The following ITPR1 variants were observed in gnomAD, a reference collection of about 807,000 sequenced individuals.
ITPR1 encodes the protein inositol 1,4,5-trisphosphate receptor type 1.
Under a neutral mutation model 318.4 loss-of-function variants are expected in ITPR1, and 96 were observed. The observed-to-expected ratio is 0.30, with a 90% CI of 0.26 to 0.36. The LOEUF is 0.36. ITPR1 is among the 10% of genes least tolerant of loss of function. The probability of loss-of-function intolerance (pLI) is 1.00; values close to 1 mark genes in which losing one functional copy is unlikely to be tolerated. For missense variants in ITPR1, 2,440 were observed against 3,460.2 expected (o/e 0.71, Z 7.40); for synonymous variants, 1,312 against 1,289.9 (o/e 1.02, Z -0.37).
At chr3:4,831,131 T>TCTCA (rs879032970) in intron 60 of ITPR1, 17 of 349,476 alleles carry the variant, frequency 4.9e-5, no homozygotes, top group South Asian at 2.0e-4. Context: ...TCTCTCTCTC[T>TCTCA]CACACACACA....
At chr3:4,763,006 G>A (rs1478669719) in intron 44 of ITPR1, among the ~76,000 whole-genome samples, 1 of 152,184 alleles carries the variant, frequency 6.6e-6, no homozygotes, top group Non-Finnish European at 1.5e-5. Context: ...ATAAAATGTG[G>A]AATACTATGC....
chr3:4,547,683 G>C (rs1426053105), intron 4 of ITPR1, among the ~76,000 whole-genome samples: 2 of 152,144 alleles, frequency 1.3e-5, no homozygotes, highest in East Asian at 3.8e-4. Flanking sequence ...TAGGAGTCTC[G>C]TAGGCACATA....
chr3:4,651,036 T>G (rs1008765960), intron 10 of ITPR1, among the ~76,000 whole-genome samples: 1 of 152,190 alleles, frequency 6.6e-6, no homozygotes, highest in Admixed American at 6.5e-5. Flanking sequence ...AGAGTTAATT[T>G]TGGGGCTAGG....
At position 4,652,212 on chromosome 3, in the gene ITPR1, A is replaced by G. The variant is rs1216529874; in HGVS notation, c.945A>G (p.Ala315=). The part of the protein sequence containing the change: ...FKHLATGHYL[A]AEVDPDFEEE... ...ATCTGGCCACGGGGCATTACTTGGC[A>G]GCAGAGGTAAGTAGCAGCTCCTGTG... Residue 315 remains alanine, a synonymous_variant, in exon 11 of 62, where the codon GCA becomes GCG. Coordinates refer to ENST00000649015, the MANE Select transcript of ITPR1 (RefSeq NM_001378452.1). 2 of 1,608,960 alleles carry G rather than the reference A, an allele frequency of 1.2e-6. No individual in the cohort carries two copies. The highest frequency in any genetic ancestry group is 1.7e-6 in the Non-Finnish European group (2 of 1,177,080).
chr3:4,642,527 G>C (rs146000333), intron 7 of ITPR1, among the ~76,000 whole-genome samples: 1 of 152,154 alleles, frequency 6.6e-6, no homozygotes, highest in Admixed American at 6.5e-5. Context: ...CAGCTATTCC[G>C]TGTTAATGTC....
chr3:4,649,369 G>C (rs1043256408), intron 10 of ITPR1, among the ~76,000 whole-genome samples: 1 of 152,142 alleles, frequency 6.6e-6, no homozygotes, highest in African/African-American at 2.4e-5. Context: ...AAAGTCAAGT[G>C]CCCCTCAAAA....
intron 40 of ITPR1, among the ~76,000 whole-genome samples, chr3:4,719,101 C>A (rs1024861827): frequency 3.3e-5 from 5 of 152,184 alleles, no homozygotes; most frequent in African/African-American, 1.2e-4. Flanking sequence ...GGTCTCCTGG[C>A]TGGGAGTTTA....
intron 60 of ITPR1, among the ~76,000 whole-genome samples, chr3:4,834,583 G>A (rs2050756971): frequency 6.6e-6 from 1 of 152,146 alleles, no homozygotes; most frequent in African/African-American, 2.4e-5. Flanking sequence ...TCGCCTATGT[G>A]TGCCCTCTTC....
rs370953858 is a variant in ITPR1 at position 4,545,778 on chromosome 3, G to A, written c.163+24684G>A. 6.1e-5 allele frequency among the ~76,000 whole-genome samples: 9 copies of A among 146,920 alleles called. No individual in the cohort carries two copies. In the East Asian group the frequency reaches 1.6e-3, roughly 26 times the overall value. ...AGTGGCGTGATCCAGGCTTACTGTA[G>A]CCTCAGCCTCCTGGGCTCAAGTGAT... On this transcript the variant is annotated intron_variant, in intron 4 of 61. Coordinates refer to ENST00000649015, the MANE Select transcript of ITPR1 (RefSeq NM_001378452.1).
chr3:4,659,781 T>C (rs1257135841), intron 13 of ITPR1, among the ~76,000 whole-genome samples: 1 of 152,188 alleles, frequency 6.6e-6, no homozygotes, highest in Non-Finnish European at 1.5e-5. Context: ...ACTGGTTCAT[T>C]ATTGGACTGT....
chr3:4,567,092 A>G (rs2087374763), intron 4 of ITPR1, among the ~76,000 whole-genome samples: 1 of 152,150 alleles, frequency 6.6e-6, no homozygotes, highest in South Asian at 2.1e-4. Flanking sequence ...AATAATACCT[A>G]TTTCAGTGGA....
At chr3:4,798,777 A>C (rs903248692) in intron 53 of ITPR1, among the ~76,000 whole-genome samples, 3 of 152,274 alleles carry the variant, frequency 2.0e-5, no homozygotes. Flanking sequence ...CAATACATAC[A>C]TGGTAACCTG....
chr3:4,503,837 T>C (rs1027697370), intron 2 of ITPR1, among the ~76,000 whole-genome samples: 5 of 152,204 alleles, frequency 3.3e-5, no homozygotes, highest in African/African-American at 1.2e-4. Context: ...TGCTGGTTTT[T>C]TGAGGTTTGG....
chr3:4,798,359 C>T (rs2048022242), intron 53 of ITPR1, among the ~76,000 whole-genome samples: 1 of 152,192 alleles, frequency 6.6e-6, no homozygotes, highest in South Asian at 2.1e-4. Flanking sequence ...CGATGTTGAG[C>T]ATCACTAGTT....
intron 44 of ITPR1, among the ~76,000 whole-genome samples, chr3:4,766,254 T>G (rs549990409): frequency 6.6e-6 from 1 of 152,208 alleles, no homozygotes; most frequent in Non-Finnish European, 1.5e-5. Context: ...TTGTTCTTAG[T>G]TGGCAACAGT....
At chr3:4,653,768 G>A (rs572852749) in intron 11 of ITPR1, 74 bp from the exon 12 acceptor site, 3 of 1,068,474 alleles carry the variant, frequency 2.8e-6, no homozygotes, top group Middle Eastern at 2.0e-4. Context: ...AGGCCTTGAA[G>A]TCTCCTGCAA....
intron 18 of ITPR1, among the ~76,000 whole-genome samples, chr3:4,668,758 G>A (rs1338057379): frequency 2.6e-5 from 4 of 152,250 alleles, no homozygotes; most frequent in South Asian, 2.1e-4. Context: ...GAGCCACCGC[G>A]CTCGGCCTCA....
rs2045965516 is a variant in ITPR1 at position 4,768,526 on chromosome 3, C to G, written c.5741C>G (p.Thr1914Arg). The change falls in exon 46 of 62, where the codon ACA (threonine) becomes AGA (arginine). Residue 1914 changes from threonine (T) to arginine (R), a missense_variant. Around this residue, in one of 23 missense-constraint regions of ITPR1, gnomAD observed 113 missense variants for 103.6 expected, o/e 1.09. Transcript: ENST00000649015. Reference protein sequence around the residue: ...PSRKKAKEPTTQITEEVRDQL... With the variant: ...PSRKKAKEPTRQITEEVRDQL... ...TGCTTTCTAGCTAAAGAGCCCACAA[C>G]ACAGATAACAGAAGAGGTCCGGGAT... The G allele has an allele frequency of 1.9e-6, 3 of 1,610,528 alleles. No individual in the cohort carries two copies. The highest frequency in any genetic ancestry group is 2.5e-6 in the Non-Finnish European group (3 of 1,177,380).
At chr3:4,769,465 A>G (rs947382360) in intron 46 of ITPR1, among the ~76,000 whole-genome samples, 16 of 152,346 alleles carry the variant, frequency 1.1e-4, no homozygotes, top group African/African-American at 2.6e-4. Context: ...GGATACATAG[A>G]AAGTTCTGAA....
Sources: gnomAD v4.1 joint callset for allele counts (sites outside exome capture counted in the v4.1 genomes callset) on GRCh38, gnomAD v4.1.1 for gene constraint, gnomAD v4.1.1 regional missense constraint, MANE v1.5 for transcripts, NCBI Gene and HGNC (gene_info 2026-07-23, HGNC 2026-07-21) for gene names.